NCKAP5: variants seen among roughly 807,000 people sequenced by gnomAD.
NCKAP5 encodes nck-associated protein 5.
Under a neutral mutation model 167.0 loss-of-function variants are expected in NCKAP5, and 92 were observed. That is an observed-to-expected ratio of 0.55 (90% CI 0.47 to 0.66). The LOEUF is 0.66. NCKAP5 is among the 30% of genes least tolerant of loss of function. The pLI is 0.00. For missense variants in NCKAP5, 2,378 were observed against 2,315.0 expected, an observed-to-expected ratio of 1.03 and a Z score of -0.56; for synonymous variants, 891 against 877.4, an observed-to-expected ratio of 1.02 and a Z score of -0.27.
intron 3 of NCKAP5, chr2:133,431,956 C>A (rs908939253): frequency 1.3e-5 from 2 of 152,076 alleles, no homozygotes; most frequent in African/African-American, 2.4e-5. Flanking sequence ...AAGAGAGGGT[C>A]CCATTTAGAA....
intron 4 of NCKAP5, among the ~76,000 whole-genome samples, chr2:133,249,998 T>TTTATTATTATTATTATTATTATTA (rs10685479): frequency 2.7e-4 from 38 of 138,220 alleles, no homozygotes; most frequent in East Asian, 8.5e-4. Context: ...CACCAAGGGT[T>TTTATTATTATTATTATTATTATTA]TTATTATTAT....
chr2:132,909,712 T>G (rs7561777), intron 8 of NCKAP5, among the ~76,000 whole-genome samples: 14,638 of 152,246 alleles, frequency 0.096, 1,235 homozygotes, highest in Admixed American at 0.23. Context: ...TGAGGAACAC[T>G]TTGCTTTACA....
At chr2:133,142,745 T>G (rs1046991235) in intron 5 of NCKAP5, among the ~76,000 whole-genome samples, 1 of 152,078 alleles carries the variant, frequency 6.6e-6, no homozygotes, top group African/African-American at 2.4e-5. Context: ...AAGATACCAA[T>G]TTGTCCAGGG....
At chr2:132,748,000 A>T (rs2104765001) in intron 16 of NCKAP5, among the ~76,000 whole-genome samples, 1 of 152,322 alleles carries the variant, frequency 6.6e-6, no homozygotes, top group South Asian at 2.1e-4. Context: ...GTGGAAAGTA[A>T]CATGTTAAAT....
At chr2:133,069,208 C>A (rs1003633830) in intron 6 of NCKAP5, among the ~76,000 whole-genome samples, 10 of 152,166 alleles carry the variant, frequency 6.6e-5, no homozygotes, top group African/African-American at 2.4e-4. Context: ...ATGTAAAGCA[C>A]TGGAAAATAA....
intron 5 of NCKAP5, among the ~76,000 whole-genome samples, chr2:133,133,979 T>C (rs960443207): frequency 6.6e-6 from 1 of 152,216 alleles, no homozygotes; most frequent in African/African-American, 2.4e-5. Flanking sequence ...AGTGCTAATT[T>C]GTTCCAATGC....
At chr2:133,547,318 C>T in intron 2 of NCKAP5, among the ~76,000 whole-genome samples, 1 of 152,210 alleles carries the variant, frequency 6.6e-6, no homozygotes, top group Non-Finnish European at 1.5e-5. Flanking sequence ...CCCGCCATTG[C>T]CCAGCCTTGA....
intron 3 of NCKAP5, among the ~76,000 whole-genome samples, chr2:133,365,299 C>G (rs1685381584): frequency 6.6e-6 from 1 of 152,176 alleles, no homozygotes; most frequent in Admixed American, 6.6e-5. Context: ...CTTATTGTTT[C>G]CCTACTAGCT....
chr2:133,286,249 G>T (rs10189529), intron 4 of NCKAP5, among the ~76,000 whole-genome samples: 1 of 151,992 alleles, frequency 6.6e-6, no homozygotes, highest in African/African-American at 2.4e-5. Context: ...GCCTGCCTCG[G>T]CCTCCCAAAG....
chr2:133,612,370 G>C, the NCKAP5 span, among the ~76,000 whole-genome samples: 74 of 152,310 alleles, frequency 4.9e-4, 1 homozygote, highest in East Asian at 0.014. Flanking sequence ...CCAGTTGAGA[G>C]CATCTGGATT....
intron 3 of NCKAP5, among the ~76,000 whole-genome samples, chr2:133,445,955 C>CTG (rs1029094668): frequency 6.6e-6 from 1 of 152,132 alleles, no homozygotes; most frequent in African/African-American, 2.4e-5. Context: ...GTGGAACCCA[C>CTG]TGTGTGTGTG....
the NCKAP5 span, among the ~76,000 whole-genome samples, chr2:133,639,455 G>A: frequency 6.6e-6 from 1 of 152,110 alleles, no homozygotes; most frequent in Non-Finnish European, 1.5e-5. Context: ...TCTGGATTAG[G>A]GGTATTGTCC....
At chr2:133,255,027 T>C (rs1025813767) in intron 4 of NCKAP5, among the ~76,000 whole-genome samples, 10 of 151,990 alleles carry the variant, frequency 6.6e-5, no homozygotes, top group Admixed American at 2.0e-4. Flanking sequence ...AATTTGACTA[T>C]GAAAAAAAAG....
intron 6 of NCKAP5, chr2:133,123,314 G>A (rs1007164308): frequency 5.9e-5 from 9 of 152,410 alleles, no homozygotes; most frequent in Admixed American, 2.0e-4. Context: ...TACATAATTG[G>A]TTTTGGCTTT....
chr2:132,870,156 A>G (rs1237561770), intron 9 of NCKAP5, among the ~76,000 whole-genome samples: 3 of 152,182 alleles, frequency 2.0e-5, no homozygotes, highest in African/African-American at 7.2e-5. Context: ...TGGTGTTTCA[A>G]ATACCTGGCA....
intron 19 of NCKAP5, among the ~76,000 whole-genome samples, chr2:132,717,638 C>T (rs1689493142): frequency 2.0e-5 from 3 of 152,204 alleles, no homozygotes; most frequent in African/African-American, 7.2e-5. Context: ...GCTGTTATCC[C>T]TCAGCGTCCC....
At chr2:132,712,629 G>A (rs1478802881) in intron 19 of NCKAP5, among the ~76,000 whole-genome samples, 2 of 152,054 alleles carry the variant, frequency 1.3e-5, no homozygotes, top group Non-Finnish European at 2.9e-5. Flanking sequence ...TCCAGCCTGG[G>A]CAACAGAGTG....
intron 5 of NCKAP5, among the ~76,000 whole-genome samples, chr2:133,175,102 C>T (rs60322127): frequency 0.046 from 6,928 of 151,998 alleles, 500 homozygotes; most frequent in African/African-American, 0.16. Flanking sequence ...TTTAAATTTA[C>T]AGTTCTCTAA....
At chr2:133,656,278 A>G in the NCKAP5 span, among the ~76,000 whole-genome samples, 1 of 141,818 alleles carries the variant, frequency 7.1e-6, no homozygotes, top group Non-Finnish European at 1.6e-5. Flanking sequence ...CAAACAAAAA[A>G]AAAAAAAAAC....
Sources: allele counts gnomAD v4.1 joint callset (sites outside exome capture counted in the v4.1 genomes callset), GRCh38; gene constraint gnomAD v4.1.1; transcripts MANE v1.5; gene names NCBI Gene and HGNC (gene_info 2026-07-23, HGNC 2026-07-21).